MBOAT1: variants seen among roughly 807,000 people sequenced by gnomAD.
MBOAT1 encodes membrane bound glycerophospholipid O-acyltransferase 1, also known as membrane-bound glycerophospholipid O-acyltransferase 1.
MBOAT1 carries 67 observed loss-of-function variants against 64.4 expected under a neutral mutation model. The observed-to-expected ratio is 1.04, with a 90% CI of 0.85 to 1.27. The LOEUF (loss-of-function observed/expected upper bound fraction) is 1.27, where lower values mean the gene tolerates loss of function less well. Ranked by LOEUF, MBOAT1 falls within the 50% of genes most tolerant of loss-of-function variation. The probability of loss-of-function intolerance (pLI) is 0.00; values close to 1 mark genes in which losing one functional copy is unlikely to be tolerated. For synonymous variants in MBOAT1, 229 were observed against 218.9 expected, an observed-to-expected ratio of 1.05 and a Z score of -0.41; for missense variants, 563 against 604.6, an observed-to-expected ratio of 0.93 and a Z score of 0.72.
rs189935633 is a variant in MBOAT1, at chr6:20,179,321, T to A, written c.100-26552A>T. On this transcript the variant is annotated intron_variant, in intron 1 of 12. Coordinates refer to ENST00000324607, the MANE Select transcript of MBOAT1 (RefSeq NM_001080480.3). Reference sequence around the variant, plus strand: ...TTCTTGTACAGGAGAAAATCTGAATTAAGCCCCATTGTGTGCTGTTCCCCC... The same window carrying A: ...TTCTTGTACAGGAGAAAATCTGAATAAAGCCCCATTGTGTGCTGTTCCCCC... Among the ~76,000 whole-genome samples the A allele has an allele frequency of 2.1e-3, 317 of 152,272 alleles. 2 individuals are homozygous for A. The highest frequency in any genetic ancestry group is 7.0e-3 in the African/African-American group (289 of 41,554).
intron 1 of MBOAT1, among the ~76,000 whole-genome samples, chr6:20,172,612 A>G (rs1421517260): frequency 6.6e-6 from 1 of 151,906 alleles, no homozygotes; most frequent in Non-Finnish European, 1.5e-5. Context: ...GTTAGCAAAT[A>G]CCCTGTTTTT....
chr6:20,124,378 A>AT, intron 8 of MBOAT1, 30 bp downstream of exon 8: 1 of 1,590,158 alleles, frequency 6.3e-7, no homozygotes, highest in Non-Finnish European at 8.6e-7. Flanking sequence ...TTTTTCCCTC[A>AT]TTCAGTTACA....
intron 11 of MBOAT1, among the ~76,000 whole-genome samples, chr6:20,112,452 C>T (rs1760197528): frequency 6.6e-6 from 1 of 152,174 alleles, no homozygotes; most frequent in Admixed American, 6.5e-5. Context: ...GCTCAAGAGA[C>T]TCTGTGAGTT....
At chr6:20,182,011 A>G (rs1762524240) in intron 1 of MBOAT1, among the ~76,000 whole-genome samples, 1 of 152,198 alleles carries the variant, frequency 6.6e-6, no homozygotes, top group African/African-American at 2.4e-5. Context: ...TAACCTATGT[A>G]GACGCCTGGG....
intron 4 of MBOAT1, among the ~76,000 whole-genome samples, chr6:20,137,116 C>T (rs1211695783): frequency 6.6e-6 from 1 of 152,014 alleles, no homozygotes; most frequent in Non-Finnish European, 1.5e-5. Context: ...AGGAATTTAT[C>T]CTATCATAGG....
At chr6:20,189,768 A>G (rs974329632) in intron 1 of MBOAT1, among the ~76,000 whole-genome samples, 5 of 151,598 alleles carry the variant, frequency 3.3e-5, no homozygotes, top group Non-Finnish European at 7.4e-5. Context: ...TCCACTTCCA[A>G]GTGAGATCAC....
intron 3 of MBOAT1, 131 bp downstream of exon 3, chr6:20,151,054 G>T (rs1039576819): frequency 3.3e-6 from 2 of 610,664 alleles, no homozygotes; most frequent in Non-Finnish European, 5.6e-6. Flanking sequence ...CATCCCTCCT[G>T]ATATTCTAGA....
chr6:20,100,088 G>T lies in MBOAT1; in HGVS notation c.*2198C>A, dbSNP rs1234002358. Among the ~76,000 whole-genome samples the T allele has an allele frequency of 6.6e-6, 1 of 152,182 alleles. No individual in the cohort carries two copies. ...GGACCAATGGCCCCAGCTTGCCCAGGACTGAGGGCTTGAGAGAGTCCTTGG... is the reference window on the plus strand; with the variant it reads ...GGACCAATGGCCCCAGCTTGCCCAGTACTGAGGGCTTGAGAGAGTCCTTGG... On this transcript the variant is annotated 3_prime_UTR_variant, in exon 13 of 13. Coordinates refer to ENST00000324607, the MANE Select transcript of MBOAT1 (RefSeq NM_001080480.3).
At chr6:20,176,277 C>T (rs1411340529) in intron 1 of MBOAT1, among the ~76,000 whole-genome samples, 1 of 133,134 alleles carries the variant, frequency 7.5e-6, no homozygotes. Flanking sequence ...AAGTGAGACC[C>T]TGTCTTTAAA....
intron 2 of MBOAT1, 58 bp from the exon 3 acceptor site, chr6:20,151,320 A>T: frequency 8.0e-7 from 1 of 1,242,882 alleles, no homozygotes; most frequent in Non-Finnish European, 1.2e-6. Flanking sequence ...TAACACAGCT[A>T]TTGGTCACCA....
intron 9 of MBOAT1, among the ~76,000 whole-genome samples, chr6:20,116,370 G>A (rs372291024): frequency 1.3e-5 from 2 of 152,022 alleles, no homozygotes; most frequent in Non-Finnish European, 2.9e-5. Context: ...TAACCGTGAT[G>A]CAAACATACA....
intron 1 of MBOAT1, among the ~76,000 whole-genome samples, chr6:20,184,133 C>T (rs943572): frequency 0.47 from 70,699 of 151,946 alleles, 18,602 homozygotes; most frequent in Admixed American, 0.6. Context: ...TTAAATTTAA[C>T]AGTATTTTAG....
rs751469060 is a variant in MBOAT1, at chr6:20,118,440, A to G, written c.1008T>C (p.Ile336=). 2.4e-5 allele frequency: 39 copies of G among 1,613,220 alleles called. No individual in the cohort carries two copies. Among genetic ancestry groups the G allele is most frequent in the Middle Eastern group, 1.6e-4 (1 of 6,084 alleles). The change falls in exon 9 of 13, where the codon ATT becomes ATC. Residue 336 remains isoleucine (I), a synonymous_variant. Coordinates refer to ENST00000324607, the MANE Select transcript of MBOAT1 (RefSeq NM_001080480.3). ...GGACTTAAAAGCATACACTCACCTC[A>G]ATTTTCCAGATGTTTAGGTTCGAAA... The part of the protein sequence containing the change: ...DLLSNLNIWK[I]ETATSFKMYL...
In MBOAT1 at chr6:20,209,535, A is replaced by G. The variant is rs184906653; in HGVS notation, c.99+2601T>C. 2.6e-4 allele frequency among the ~76,000 whole-genome samples: 40 copies of G among 152,358 alleles called. No homozygotes were observed. The Middle Eastern group carries it at 0.014, about 52-fold the overall frequency. On this transcript the variant is annotated intron_variant, in intron 1 of 12. Transcript: ENST00000324607. ...TTTTGCTGATAATAAACTACTTGAC[A>G]CAGGATCCAGAGGCTAAAGACATTC...
chr6:20,106,804 A>C (rs1306861160), intron 12 of MBOAT1, among the ~76,000 whole-genome samples: 1 of 152,178 alleles, frequency 6.6e-6, no homozygotes, highest in Non-Finnish European at 1.5e-5. Context: ...AAAATATCCT[A>C]GGTTGGATCA....
intron 1 of MBOAT1, among the ~76,000 whole-genome samples, chr6:20,196,662 A>G (rs1014495094): frequency 6.6e-6 from 1 of 152,156 alleles, no homozygotes; most frequent in African/African-American, 2.4e-5. Context: ...GGAGTTCGAG[A>G]CCAGCCTGGC....
At chr6:20,152,112 G>A (rs1290459655) in intron 2 of MBOAT1, among the ~76,000 whole-genome samples, 1 of 151,928 alleles carries the variant, frequency 6.6e-6, no homozygotes, top group African/African-American at 2.4e-5. Context: ...CCTGAGCTCA[G>A]GCGTTTGCAA....
intron 11 of MBOAT1, among the ~76,000 whole-genome samples, chr6:20,112,100 A>G (rs1760188038): frequency 6.6e-6 from 1 of 151,432 alleles, no homozygotes; most frequent in Non-Finnish European, 1.5e-5. Flanking sequence ...ACCAACGTCA[A>G]TAAAAACTCT....
chr6:20,189,026 C>T (rs1370103497), intron 1 of MBOAT1, among the ~76,000 whole-genome samples: 1 of 152,106 alleles, frequency 6.6e-6, no homozygotes, highest in African/African-American at 2.4e-5. Context: ...AAAATTCCAA[C>T]TAAGAAAGAT....
Sources: allele counts gnomAD v4.1 joint callset (sites outside exome capture counted in the v4.1 genomes callset), GRCh38; gene constraint gnomAD v4.1.1; transcripts MANE v1.5; gene names NCBI Gene and HGNC (gene_info 2026-07-23, HGNC 2026-07-21).